Variants in CLEC16A observed in about 807,000 individuals in gnomAD.
The protein encoded by CLEC16A is C-type lectin domain containing 16A.
Under a neutral mutation model 109.5 loss-of-function variants are expected in CLEC16A, and 51 were observed. That is an observed-to-expected ratio of 0.47 (90% CI 0.37 to 0.59). The LOEUF (loss-of-function observed/expected upper bound fraction) is 0.59, where lower values mean the gene tolerates loss of function less well. CLEC16A is among the 20% of genes least tolerant of loss of function. CLEC16A has a pLI of 0.00. For missense variants in CLEC16A, 1,339 were observed against 1,394.0 expected (o/e 0.96, Z 0.63); for synonymous variants, 673 against 564.2 (o/e 1.19, Z -2.73).
intron 22 of CLEC16A, among the ~76,000 whole-genome samples, chr16:11,131,193 C>G (rs1308747097): frequency 1.3e-5 from 2 of 151,830 alleles, no homozygotes; most frequent in African/African-American, 4.9e-5. Flanking sequence ...GGCCTAGACT[C>G]TAGCCTGAGC....
At chr16:11,016,621 C>T (rs1212167457) in intron 11 of CLEC16A, among the ~76,000 whole-genome samples, 1 of 152,190 alleles carries the variant, frequency 6.6e-6, no homozygotes, top group African/African-American at 2.4e-5. Context: ...CAGGCATGAG[C>T]CTCCACGCCC....
chr16:11,107,695 G>GTTCC (rs1338786658), intron 19 of CLEC16A, among the ~76,000 whole-genome samples: 2 of 152,216 alleles, frequency 1.3e-5, no homozygotes. Context: ...CCAGGGCCCA[G>GTTCC]TTCCTTGTCA....
At chr16:11,099,220 C>T (rs532914651) in intron 19 of CLEC16A, among the ~76,000 whole-genome samples, 12 of 152,334 alleles carry the variant, frequency 7.9e-5, no homozygotes, top group East Asian at 7.7e-4. Context: ...TTCTCATGCA[C>T]GGCTCATCGG....
At chr16:11,112,104 A>G (rs2051631658) in intron 19 of CLEC16A, among the ~76,000 whole-genome samples, 1 of 152,236 alleles carries the variant, frequency 6.6e-6, no homozygotes, top group African/African-American at 2.4e-5. Flanking sequence ...CCGATGTGCC[A>G]TCAGGAAGTG....
Position 11,010,990 on chromosome 16 carries a change from C to A in CLEC16A, c.1303+7685C>A, listed in dbSNP as rs940459706. On this transcript the variant is annotated intron_variant, in intron 11 of 23. Coordinates refer to ENST00000409790, the MANE Select transcript of CLEC16A (RefSeq NM_015226.3). ...ACGGCATGGGTGATGTCATGCACTT[C>A]TCAGGGTGTCACATCTGGAGGCACA... 3.9e-5 allele frequency among the ~76,000 whole-genome samples: 6 copies of A among 152,200 alleles called. 1 individual carries two copies. In the East Asian group the frequency reaches 1.2e-3, roughly 29 times the overall value.
At chr16:11,146,393 C>A (rs1041557568) in intron 22 of CLEC16A, among the ~76,000 whole-genome samples, 7 of 151,642 alleles carry the variant, frequency 4.6e-5, no homozygotes, top group Non-Finnish European at 1.0e-4. Flanking sequence ...TTGGTAAGTA[C>A]TGGATAAATG....
chr16:11,136,009 C>A (rs1309488644), intron 22 of CLEC16A: 1 of 152,434 alleles, frequency 6.6e-6, no homozygotes, highest in African/African-American at 2.4e-5. Flanking sequence ...CATGATCAAT[C>A]CCAGCATCCT....
chr16:11,117,122 A>G (rs2052051541), intron 19 of CLEC16A, among the ~76,000 whole-genome samples: 1 of 152,254 alleles, frequency 6.6e-6, no homozygotes, highest in African/African-American at 2.4e-5. Context: ...TGGGAGCTCA[A>G]CATTGGATAC....
intron 10 of CLEC16A, among the ~76,000 whole-genome samples, chr16:10,998,750 C>T (rs571777688): frequency 6.6e-6 from 1 of 152,280 alleles, no homozygotes; most frequent in East Asian, 1.9e-4. Flanking sequence ...GCTCACTCAG[C>T]AGCAGCCTGT....
chr16:11,140,295 G>A (rs1267363065), intron 22 of CLEC16A, among the ~76,000 whole-genome samples: 1 of 152,198 alleles, frequency 6.6e-6, no homozygotes, highest in African/African-American at 2.4e-5. Flanking sequence ...CTCACGGATG[G>A]CTGGGTGGCA....
At chr16:11,146,155 C>G (rs771310164) in intron 22 of CLEC16A, among the ~76,000 whole-genome samples, 18 of 152,124 alleles carry the variant, frequency 1.2e-4, no homozygotes, top group Non-Finnish European at 1.6e-4. Flanking sequence ...AAGGTCTTGC[C>G]AGATATTCTA....
At chr16:11,033,663 G>A (rs1326101245) in intron 13 of CLEC16A, among the ~76,000 whole-genome samples, 1 of 152,146 alleles carries the variant, frequency 6.6e-6, no homozygotes, top group Admixed American at 6.5e-5. Flanking sequence ...AAGTGACCTG[G>A]TCTCTTTCTC....
At chr16:11,147,223 A>C (rs1352213573) in intron 22 of CLEC16A, among the ~76,000 whole-genome samples, 1 of 152,158 alleles carries the variant, frequency 6.6e-6, no homozygotes, top group Admixed American at 6.5e-5. Context: ...CCCCTTTGTC[A>C]TCAATTTCCG....
chr16:11,073,320 G>A (rs1253203432), intron 19 of CLEC16A, among the ~76,000 whole-genome samples: 2 of 152,048 alleles, frequency 1.3e-5, no homozygotes, highest in Non-Finnish European at 1.5e-5. Flanking sequence ...CCGACCTGCT[G>A]ACTTGGAATC....
chr16:11,139,462 C>T (rs909440682), intron 22 of CLEC16A, among the ~76,000 whole-genome samples: 3 of 152,138 alleles, frequency 2.0e-5, no homozygotes, highest in South Asian at 2.1e-4. Flanking sequence ...TTTTTTTTAA[C>T]ATCTCAAATT....
At chr16:11,022,791 C>G (rs1224534295) in intron 12 of CLEC16A, among the ~76,000 whole-genome samples, 1 of 151,592 alleles carries the variant, frequency 6.6e-6, no homozygotes, top group Non-Finnish European at 1.5e-5. Context: ...CCCAGCTACT[C>G]AGGAGGCTGA....
intron 19 of CLEC16A, 78 bp from the exon 20 acceptor site, chr16:11,120,537 T>G: frequency 2.5e-4 from 363 of 1,438,712 alleles, no homozygotes; most frequent in Non-Finnish European, 3.2e-4. Flanking sequence ...CCTGATAGAA[T>G]GAGAGTCAGC....
chr16:11,123,753 G>A lies in CLEC16A; in HGVS notation c.2280G>A (p.Val760=), dbSNP rs2153032697. The change falls in exon 21 of 24, where the codon GTG becomes GTA. Residue 760 remains valine, a synonymous_variant. Transcript: ENST00000409790. ...KFAGLLQDMQ[V]TGVEDDSRAL... ...TTCTCACTGTGCAGGACATGCAGGT[G>A]ACTGGCGTGGAGGACGACAGCCGTG... 3 of 1,614,086 alleles carry A rather than the reference G, an allele frequency of 1.9e-6. No individual in the cohort carries two copies. Among genetic ancestry groups the A allele is most frequent in the South Asian group, 2.2e-5 (2 of 91,086 alleles).
At chr16:11,006,303 GA>G (rs1406240573) in intron 11 of CLEC16A, among the ~76,000 whole-genome samples, 1 of 152,180 alleles carries the variant, frequency 6.6e-6, no homozygotes, top group Non-Finnish European at 1.5e-5. Context: ...TAAAAAATGA[GA>G]TGCGTTTATC....
Sources: gnomAD v4.1 joint callset for allele counts (sites outside exome capture counted in the v4.1 genomes callset) on GRCh38, gnomAD v4.1.1 for gene constraint, MANE v1.5 for transcripts, NCBI Gene and HGNC (gene_info 2026-07-23, HGNC 2026-07-21) for gene names.